The following HSF2 variants were observed in gnomAD, a reference collection of about 807,000 sequenced individuals.
HSF2 encodes the protein heat shock transcription factor 2.
A neutral mutation model predicts 65.0 loss-of-function variants in HSF2; 21 were observed. That is an observed-to-expected ratio of 0.32 (90% CI 0.23 to 0.47). The LOEUF (loss-of-function observed/expected upper bound fraction) is 0.47. Among genes scored for constraint, HSF2 ranks in the 20% least tolerant of loss-of-function variants. The probability of loss-of-function intolerance (pLI) is 1.00; values close to 1 mark genes in which losing one functional copy is unlikely to be tolerated. For synonymous variants in HSF2, 225 were observed against 219.1 expected (o/e 1.03, Z -0.24); for missense variants, 499 against 628.1 (o/e 0.79, Z 2.20).
At chr6:122,416,916 A>G (rs1048546239) in intron 5 of HSF2, among the ~76,000 whole-genome samples, 1 of 152,226 alleles carries the variant, frequency 6.6e-6, no homozygotes, top group African/African-American at 2.4e-5. Flanking sequence ...TCATTTGCTA[A>G]TAAGAGATGA....
At chr6:122,416,890 C>G (rs1172425274) in intron 5 of HSF2, among the ~76,000 whole-genome samples, 1 of 152,160 alleles carries the variant, frequency 6.6e-6, no homozygotes, top group Non-Finnish European at 1.5e-5. Context: ...GTGATTTAAT[C>G]TTTGCATATC....
In HSF2 at chr6:122,422,821, C is replaced by T. The variant is rs1221640923; in HGVS notation, c.934C>T (p.Leu312=). The T allele has an allele frequency of 1.4e-5, 22 of 1,613,756 alleles. No individual in the cohort carries two copies. The highest frequency in any genetic ancestry group is 1.9e-5 in the Non-Finnish European group (22 of 1,179,822). The change falls in exon 9 of 13, where the codon CTA becomes TTA. Residue 312 remains leucine, a synonymous_variant. Coordinates refer to ENST00000368455, the MANE Select transcript of HSF2 (RefSeq NM_004506.4). ...GCAGAATGAACCAGCCAGAGAATCC[C>T]TAAGTTCAGGCAGTGATGGCAGCAG... The part of the protein sequence containing the change: ...GEQNEPARES[L]SSGSDGSSPL...
chr6:122,402,868 A>G (rs1467806821), intron 1 of HSF2, among the ~76,000 whole-genome samples: 1 of 152,052 alleles, frequency 6.6e-6, no homozygotes, highest in African/African-American at 2.4e-5. Context: ...CATCTTTTGA[A>G]AGTTGCTATT....
intron 1 of HSF2, among the ~76,000 whole-genome samples, chr6:122,410,969 A>G (rs1404471441): frequency 9.8e-6 from 1 of 102,514 alleles, no homozygotes; most frequent in African/African-American, 3.7e-5. Flanking sequence ...TTTTTTGAGT[A>G]TATACCTAGG....
chr6:122,420,216 T>C lies in HSF2; in HGVS notation c.675T>C (p.His225=). ...HIVKEPTDNH[H]HKVPHSRTEG... ...TCAAAGAACCAACTGATAATCATCA[T>C]CATAAAGTAATTTTTTAGTTAGGGT... Residue 225 remains histidine (H), a synonymous_variant, in exon 7 of 13, where the codon CAT becomes CAC. Transcript: ENST00000368455. 6.3e-7 allele frequency: 1 copy of C among 1,592,988 alleles called. No homozygotes were observed. Among genetic ancestry groups the C allele is most frequent in the East Asian group, 2.2e-5 (1 of 44,510 alleles).
At chr6:122,431,648 A>G (rs745670190) in intron 12 of HSF2, 134 bp downstream of exon 12, 1 of 549,294 alleles carries the variant, frequency 1.8e-6, no homozygotes, top group Non-Finnish European at 3.2e-6. Flanking sequence ...TCTAGTATAT[A>G]GAGAAAGTTG....
intron 5 of HSF2, among the ~76,000 whole-genome samples, chr6:122,417,555 C>T (rs1774152262): frequency 6.6e-6 from 1 of 152,084 alleles, no homozygotes; most frequent in African/African-American, 2.4e-5. Flanking sequence ...ATAATTTTTA[C>T]TCTGCTCCTG....
intron 1 of HSF2, 88 bp downstream of exon 1, chr6:122,399,918 G>C: frequency 9.8e-7 from 1 of 1,021,198 alleles, no homozygotes; most frequent in Non-Finnish European, 1.5e-6. Context: ...GCGGCCTTGC[G>C]GCTCGACGCT....
intron 6 of HSF2, 67 bp downstream of exon 6, chr6:122,419,296 G>GAGT: frequency 1.4e-6 from 1 of 724,030 alleles, no homozygotes; most frequent in East Asian, 2.8e-5. Context: ...GTTTAACCAT[G>GAGT]AGTAGCCTAC....
rs375401574 is a variant in HSF2, at chr6:122,427,611, T to C, written c.1177-292T>C. Among the ~76,000 whole-genome samples, 4 of 152,002 alleles carry C rather than the reference T, an allele frequency of 2.6e-5. No homozygotes were observed. The South Asian group carries it at 8.3e-4, about 31-fold the overall frequency. On this transcript the variant is annotated intron_variant, in intron 10 of 12. Coordinates refer to ENST00000368455, the MANE Select transcript of HSF2 (RefSeq NM_004506.4). ...AAATAAAGGAAATGAAATTGAATGA[T>C]AAATAATGAAGAAGGGAGGAGGTGA...
intron 1 of HSF2, among the ~76,000 whole-genome samples, chr6:122,400,687 A>G (rs142850555): frequency 0.03 from 4,508 of 152,316 alleles, 90 homozygotes; most frequent in Non-Finnish European, 0.044. Context: ...CCCAAGACCT[A>G]TATCAGTCCC....
Position 122,423,704 on chromosome 6 carries a change from T to A in HSF2, c.1176+18T>A, listed in dbSNP as rs1171748960. On this transcript the variant is annotated intron_variant, in intron 10 of 12. Transcript: ENST00000368455. ...TGGTTGATGTAGGTACTTTGGGTAATCTTTGCTATACTGGTAGTTTGTGTG... is the reference window on the plus strand; with the variant it reads ...TGGTTGATGTAGGTACTTTGGGTAAACTTTGCTATACTGGTAGTTTGTGTG... 3 of 1,390,120 alleles carry A rather than the reference T, an allele frequency of 2.2e-6. No individual in the cohort carries two copies. Among genetic ancestry groups the A allele is most frequent in the African/African-American group, 1.4e-5 (1 of 70,544 alleles). The allele number at this position is 1,390,120 out of a possible 1,614,324, so 86.1% of individuals were successfully genotyped here.
intron 11 of HSF2, among the ~76,000 whole-genome samples, chr6:122,429,002 A>G (rs1466044014): frequency 2.6e-5 from 4 of 152,124 alleles, no homozygotes; most frequent in African/African-American, 4.8e-5. Flanking sequence ...TGTCATAACT[A>G]TGCAGTTCTG....
Position 122,432,295 on chromosome 6 carries a change from A to G in HSF2, c.*75A>G. 3 of 1,278,984 alleles carry G rather than the reference A, an allele frequency of 2.3e-6. No homozygotes were observed. In the South Asian group the frequency reaches 4.3e-5, roughly 18 times the overall value. 79.2% of individuals were successfully genotyped at this position (1,278,984 alleles called of 1,614,324 possible). A position where few individuals can be genotyped will look rare whatever the true frequency, so the allele number is the denominator to read the frequency against. Reference sequence around the variant, plus strand: ...TATTTATTTTAAAGTATCATTTGGTACTTTTTTTGTAAATTGCTTTGTTTT... The same window carrying G: ...TATTTATTTTAAAGTATCATTTGGTGCTTTTTTTGTAAATTGCTTTGTTTT... On this transcript the variant is annotated 3_prime_UTR_variant, in exon 13 of 13. Coordinates refer to ENST00000368455, the MANE Select transcript of HSF2 (RefSeq NM_004506.4).
chr6:122,407,967 G>GAA (rs1380279720), intron 1 of HSF2, among the ~76,000 whole-genome samples: 5 of 146,570 alleles, frequency 3.4e-5, no homozygotes. Flanking sequence ...ATGGCAGAGA[G>GAA]AGAGAGAGAG....
intron 1 of HSF2, among the ~76,000 whole-genome samples, chr6:122,403,088 T>G (rs1773777789): frequency 6.6e-6 from 1 of 152,140 alleles, no homozygotes; most frequent in Non-Finnish European, 1.5e-5. Context: ...TCTTACCAAT[T>G]GCGTTTTGGA....
Position 122,412,431 on chromosome 6 carries a change from A to G in HSF2, c.152A>G (p.Lys51Arg). 2 of 1,613,094 alleles carry G rather than the reference A, an allele frequency of 1.2e-6. No homozygotes were observed. The highest frequency in any genetic ancestry group is 1.1e-5 in the South Asian group (1 of 91,030). Residue 51 changes from lysine to arginine, a missense_variant, in exon 2 of 13, where the codon AAA becomes AGA. This residue lies in a region of HSF2 where 150 missense variants were observed against 234.6 expected (regional missense o/e 0.64). Transcript: ENST00000368455. ...EQRFAKEILP[K>R]YFKHNNMASF... ...CGATTTGCAAAAGAAATTCTTCCCAAATATTTCAAGCACAATAATATGGCA... is the reference window on the plus strand; with the variant it reads ...CGATTTGCAAAAGAAATTCTTCCCAGATATTTCAAGCACAATAATATGGCA...
chr6:122,420,644 T>TTTC (rs1774211049), intron 7 of HSF2, among the ~76,000 whole-genome samples: 1 of 150,698 alleles, frequency 6.6e-6, no homozygotes, highest in Non-Finnish European at 1.5e-5. Flanking sequence ...TGGCTTTTTT[T>TTTC]TAACTTGATG....
chr6:122,424,678 T>C (rs1346715301), intron 10 of HSF2, among the ~76,000 whole-genome samples: 2 of 152,136 alleles, frequency 1.3e-5, no homozygotes, highest in Non-Finnish European at 2.9e-5. Context: ...TGAATACATG[T>C]TAATTTGAAT....
Sources: gnomAD v4.1 joint callset for allele counts (sites outside exome capture counted in the v4.1 genomes callset) on GRCh38, gnomAD v4.1.1 for gene constraint, gnomAD v4.1.1 regional missense constraint, MANE v1.5 for transcripts, NCBI Gene and HGNC (gene_info 2026-07-23, HGNC 2026-07-21) for gene names.